CYP3A43: variants seen among roughly 807,000 people sequenced by gnomAD.
CYP3A43 encodes the protein cytochrome P450 family 3 subfamily A member 43, also known as cytochrome P450 3A43.
Under a neutral mutation model 58.0 loss-of-function variants are expected in CYP3A43, and 45 were observed. The ratio of observed to expected loss-of-function variants is 0.78; its 90% CI spans 0.61 to 0.99. CYP3A43 has a LOEUF of 0.99. Among genes scored for constraint, CYP3A43 ranks in the 50% least tolerant of loss-of-function variants. The pLI, the probability that CYP3A43 is intolerant of heterozygous loss-of-function variation, is 0.00. For missense variants in CYP3A43, 593 were observed against 591.9 expected, an observed-to-expected ratio of 1.00 and a Z score of -0.02; for synonymous variants, 191 against 201.4, an observed-to-expected ratio of 0.95 and a Z score of 0.44.
intron 7 of CYP3A43, among the ~76,000 whole-genome samples, chr7:99,852,739 AAGGT>A: frequency 1.3e-5 from 2 of 152,298 alleles, no homozygotes; most frequent in East Asian, 3.9e-4. Context: ...CTTAGGGGGA[AAGGT>A]ACTAAGTATG....
chr7:99,834,754 A>G (rs1187457177), intron 1 of CYP3A43, among the ~76,000 whole-genome samples: 1 of 152,226 alleles, frequency 6.6e-6, no homozygotes, highest in African/African-American at 2.4e-5. Context: ...TGCCCCTGTG[A>G]AAGCCTTTCC....
At chr7:99,851,822 C>A (rs1419711563) in intron 7 of CYP3A43, among the ~76,000 whole-genome samples, 1 of 152,152 alleles carries the variant, frequency 6.6e-6, no homozygotes, top group Non-Finnish European at 1.5e-5. Context: ...GCACGATTTG[C>A]GTATTTTTCT....
chr7:99,841,255 A>G (rs1009219619), intron 3 of CYP3A43, among the ~76,000 whole-genome samples: 5 of 152,124 alleles, frequency 3.3e-5, no homozygotes, highest in Admixed American at 6.6e-5. Context: ...TTGAGTTTCA[A>G]TCTACCTTCC....
intron 7 of CYP3A43, among the ~76,000 whole-genome samples, chr7:99,854,067 G>C (rs1817872592): frequency 6.6e-6 from 1 of 152,054 alleles, no homozygotes; most frequent in Non-Finnish European, 1.5e-5. Context: ...ATTATTGACT[G>C]TAGTCACTCT....
chr7:99,866,059 T>G lies in CYP3A43; in HGVS notation c.*58T>G. On this transcript the variant is annotated 3_prime_UTR_variant, in exon 13 of 13. Coordinates refer to ENST00000354829, the MANE Select transcript of CYP3A43 (RefSeq NM_057095.3). ...AGCTGTATCCCAGAACACTAGACAC[T>G]TCAAATTGTTTTGTGAATAAAACTC... is the stretch of plus-strand genomic sequence containing the variant. The G allele has an allele frequency of 9.3e-7, 1 of 1,071,920 alleles. No individual in the cohort carries two copies. Among genetic ancestry groups the G allele is most frequent in the Non-Finnish European group, 1.4e-6 (1 of 738,142 alleles). The allele number at this position is 1,071,920 out of a possible 1,614,324, so 66.4% of individuals were successfully genotyped here. A position where few individuals can be genotyped will look rare whatever the true frequency, so the allele number is the denominator to read the frequency against.
intron 4 of CYP3A43, among the ~76,000 whole-genome samples, chr7:99,845,850 A>G (rs1020236228): frequency 1.3e-4 from 20 of 149,126 alleles, no homozygotes; most frequent in Admixed American, 1.3e-4. Flanking sequence ...ATCTCGGCTC[A>G]CTCTAGCCTC....
intron 9 of CYP3A43, among the ~76,000 whole-genome samples, 185 bp from the exon 10 acceptor site, chr7:99,859,645 G>A (rs1001739934): frequency 2.0e-5 from 3 of 152,146 alleles, no homozygotes; most frequent in Non-Finnish European, 4.4e-5. Flanking sequence ...CTGGATTAAA[G>A]TGACTTTGCC....
intron 4 of CYP3A43, among the ~76,000 whole-genome samples, chr7:99,846,501 TC>T (rs1817547168): frequency 6.6e-6 from 1 of 152,226 alleles, no homozygotes; most frequent in African/African-American, 2.4e-5. Context: ...CTAGAAAGGT[TC>T]TACATTGACA....
intron 1 of CYP3A43, among the ~76,000 whole-genome samples, chr7:99,830,522 GA>G (rs200299130): frequency 4.1e-5 from 6 of 145,218 alleles, no homozygotes; most frequent in South Asian, 2.2e-4. Context: ...TAGTCTAAAA[GA>G]AAAAAAAAAG....
At chr7:99,852,830 T>A (rs908033295) in intron 7 of CYP3A43, among the ~76,000 whole-genome samples, 50 of 152,332 alleles carry the variant, frequency 3.3e-4, no homozygotes, top group Admixed American at 3.1e-3. Context: ...AGTGTTTTTA[T>A]CACAAAAGTC....
At position 99,855,590 on chromosome 7, in the gene CYP3A43, G is replaced by A. The variant is rs767840316; in HGVS notation, c.671-1G>A. ...TCTTTTTCTATTTAATTTTCCTATA[G>A]CACTCTTTCCATTTCTTACCCCAGT... On this transcript the variant is annotated splice_acceptor_variant, in intron 7 of 12. Transcript: ENST00000354829. LOFTEE classifies it high-confidence loss of function. The A allele has an allele frequency of 4.4e-6, 7 of 1,602,512 alleles. No homozygotes were observed. The highest frequency in any genetic ancestry group is 6.0e-6 in the Non-Finnish European group (7 of 1,174,012).
rs765762180 is a variant in CYP3A43 at position 99,844,199 on chromosome 7, CAG to C, written c.276_277del (p.Leu94SerfsTer28). 2.5e-6 allele frequency: 4 copies of C among 1,614,004 alleles called. No homozygotes were observed. In the South Asian group the frequency reaches 4.4e-5, roughly 18 times the overall value. Reference sequence around the variant, plus strand: ...ATCATGGATCCCGACATGATCAAAACAGTGTTAGTGAAAGAATGTTACTCTGT... The same window carrying C: ...ATCATGGATCCCGACATGATCAAAACTGTTAGTGAAAGAATGTTACTCTGT... On this transcript the variant is annotated frameshift_variant, in exon 4 of 13. Coordinates refer to ENST00000354829, the MANE Select transcript of CYP3A43 (RefSeq NM_057095.3). LOFTEE classifies it high-confidence loss of function.
intron 9 of CYP3A43, among the ~76,000 whole-genome samples, chr7:99,858,270 T>C (rs1034848989): frequency 6.6e-6 from 1 of 152,202 alleles, no homozygotes; most frequent in Non-Finnish European, 1.5e-5. Flanking sequence ...CACAACATCA[T>C]CATGAAAATT....
intron 7 of CYP3A43, 180 bp from the exon 8 acceptor site, chr7:99,855,411 A>C (rs1379306782): frequency 2.9e-6 from 2 of 687,764 alleles, no homozygotes; most frequent in Non-Finnish European, 4.5e-6. Flanking sequence ...GCTCTTGCTC[A>C]GCCATTGGCA....
Position 99,861,716 on chromosome 7 carries a change from G to A in CYP3A43, c.1130G>A (p.Cys377Tyr). 2 of 1,614,152 alleles carry A rather than the reference G, an allele frequency of 1.2e-6. No homozygotes were observed. The highest frequency in any genetic ancestry group is 1.3e-5 in the African/African-American group (1 of 75,052). Residue 377 changes from cysteine (C) to tyrosine (Y), a missense_variant, in exon 11 of 13, where the codon TGC becomes TAC. By Grantham distance (194) the Cys-to-Tyr change is radical. Transcript: ENST00000354829. ...FPVVSRVTRV[C>Y]KKDIEINGVF... ...GTTGTTAGTAGAGTTACGAGAGTCT[G>A]CAAGAAAGATATTGAAATCAATGGA...
At position 99,849,955 on chromosome 7, in the gene CYP3A43, A is replaced by ATTTT. The variant is rs71515286; in HGVS notation, c.670+279_670+282dup. ...TCATCCCCTTCCAATCTTCCTCACC[A>ATTTT]TTTTTTTTTTTTTTTTTTTTTAGAC... is the stretch of plus-strand genomic sequence containing the variant. On this transcript the variant is annotated intron_variant, in intron 7 of 12. Coordinates refer to ENST00000354829, the MANE Select transcript of CYP3A43 (RefSeq NM_057095.3). 450 of 363,360 alleles carry ATTTT rather than the reference A, an allele frequency of 1.2e-3. 12 individuals are homozygous for ATTTT. Among genetic ancestry groups the ATTTT allele is most frequent in the African/African-American group, 4.8e-3 (131 of 27,354 alleles). The allele number at this position is 363,360 out of a possible 1,614,324, so 22.5% of individuals were successfully genotyped here.
Position 99,848,245 on chromosome 7 carries a change from A to G in CYP3A43, c.512A>G (p.Asn171Ser), listed in dbSNP as rs760377549. 4.3e-6 allele frequency: 7 copies of G among 1,614,088 alleles called. No individual in the cohort carries two copies. Among genetic ancestry groups the G allele is most frequent in the East Asian group, 2.2e-5 (1 of 44,874 alleles). The change falls in exon 6 of 13, where the codon AAC (asparagine) becomes AGC (serine). Residue 171 changes from asparagine to serine, a missense_variant. By Grantham distance (46) the Asn-to-Ser change is conservative. Coordinates refer to ENST00000354829, the MANE Select transcript of CYP3A43 (RefSeq NM_057095.3). Reference protein sequence around the residue: ...RQEAENSKSINLKDFFGAYTM... With the variant: ...RQEAENSKSISLKDFFGAYTM... ...GAAGCAGAGAACAGCAAGTCCATCAACTTGAAAGAGTAAGTAGCACAGTCT... is the reference window on the plus strand; with the variant it reads ...GAAGCAGAGAACAGCAAGTCCATCAGCTTGAAAGAGTAAGTAGCACAGTCT...
At chr7:99,836,165 G>A (rs1817068324) in intron 1 of CYP3A43, among the ~76,000 whole-genome samples, 1 of 152,296 alleles carries the variant, frequency 6.6e-6, no homozygotes, top group East Asian at 1.9e-4. Context: ...AGGAGCACCC[G>A]AAAAGTCAGG....
At chr7:99,848,019 A>C (rs898514333) in intron 5 of CYP3A43, 147 bp from the exon 6 acceptor site, 1 of 767,582 alleles carries the variant, frequency 1.3e-6, no homozygotes, top group African/African-American at 1.8e-5. Context: ...CTCAAAAAAA[A>C]GGGGCAGGGG....
Sources: allele counts gnomAD v4.1 joint callset (sites outside exome capture counted in the v4.1 genomes callset), GRCh38; gene constraint gnomAD v4.1.1; transcripts MANE v1.5; gene names NCBI Gene and HGNC (gene_info 2026-07-23, HGNC 2026-07-21).